CDC73: variants seen among roughly 807,000 people sequenced by gnomAD.
CDC73 encodes cell division cycle 73, also known as parafibromin.
A neutral mutation model predicts 83.7 loss-of-function variants in CDC73; 21 were observed. That is an observed-to-expected ratio of 0.25 (90% CI 0.18 to 0.36). The LOEUF is 0.36. CDC73 is among the 10% of genes least tolerant of loss of function. The pLI, the probability that CDC73 is intolerant of heterozygous loss-of-function variation, is 1.00. For missense variants in CDC73, 342 were observed against 653.3 expected, an observed-to-expected ratio of 0.52 and a Z score of 5.19; for synonymous variants, 224 against 212.9, an observed-to-expected ratio of 1.05 and a Z score of -0.45.
chr1:193,215,152 G>C (rs770922200), intron 13 of CDC73, among the ~76,000 whole-genome samples: 1 of 152,120 alleles, frequency 6.6e-6, no homozygotes, highest in African/African-American at 2.4e-5. Context: ...TCTGAAGATA[G>C]GTTCAGAAAC....
chr1:193,133,727 C>G (rs1041079539), intron 3 of CDC73, among the ~76,000 whole-genome samples: 2 of 152,092 alleles, frequency 1.3e-5, no homozygotes, highest in Non-Finnish European at 1.5e-5. Flanking sequence ...AATATTTCAA[C>G]TCATCACAGA....
intron 3 of CDC73, among the ~76,000 whole-genome samples, chr1:193,131,004 C>T (rs1675684314): frequency 6.6e-6 from 1 of 151,916 alleles, no homozygotes; most frequent in South Asian, 2.1e-4. Flanking sequence ...TTTCTTTTAA[C>T]CTGTATTCTC....
At chr1:193,200,208 C>T (rs1165996014) in intron 10 of CDC73, among the ~76,000 whole-genome samples, 2 of 152,158 alleles carry the variant, frequency 1.3e-5, no homozygotes, top group African/African-American at 4.8e-5. Flanking sequence ...TGGGTGAGAT[C>T]CTGTTTTTTT....
At chr1:193,202,824 A>T (rs1018671449) in intron 10 of CDC73, among the ~76,000 whole-genome samples, 1 of 151,968 alleles carries the variant, frequency 6.6e-6, no homozygotes. Context: ...TATTTCAAAC[A>T]GTTTTACCAC....
At chr1:193,223,555 A>G (rs1296369561) in intron 13 of CDC73, among the ~76,000 whole-genome samples, 2 of 152,090 alleles carry the variant, frequency 1.3e-5, no homozygotes, top group African/African-American at 4.8e-5. Flanking sequence ...AAGAGGGTGA[A>G]CAGTGAGTTT....
intron 10 of CDC73, among the ~76,000 whole-genome samples, chr1:193,168,381 C>G (rs2103147710): frequency 6.6e-6 from 1 of 152,194 alleles, no homozygotes; most frequent in Middle Eastern, 3.4e-3. Context: ...GGAGGACAAA[C>G]AAAATTTAGT....
rs1319754561 is a variant in CDC73, at chr1:193,251,918, G to C, written c.*1206G>C. ...TGTTTTTGCCATTGGAATTTTTGCT[G>C]ATCACAGTCTTATGTCATTTTTTTC... is the stretch of plus-strand genomic sequence containing the variant. On this transcript the variant is annotated 3_prime_UTR_variant, in exon 17 of 17. Transcript: ENST00000367435. 4.3e-6 allele frequency: 1 copy of C among 229,986 alleles called. No homozygotes were observed. The highest frequency in any genetic ancestry group is 8.6e-6 in the Non-Finnish European group (1 of 116,528). 14.2% of individuals were successfully genotyped at this position (229,986 alleles called of 1,614,324 possible).
intron 8 of CDC73, among the ~76,000 whole-genome samples, chr1:193,149,512 G>A (rs1311435818): frequency 6.6e-6 from 1 of 152,054 alleles, no homozygotes; most frequent in African/African-American, 2.4e-5. Context: ...TACCATTTGT[G>A]ACTGATTATT....
At chr1:193,135,341 A>G (rs767218233) in intron 3 of CDC73, 50 bp from the exon 4 acceptor site, 9 of 1,358,740 alleles carry the variant, frequency 6.6e-6, no homozygotes, top group Non-Finnish European at 9.5e-6. Flanking sequence ...ATAATATCCA[A>G]TATATATGTT....
At chr1:193,214,095 C>T (rs1677321054) in intron 13 of CDC73, among the ~76,000 whole-genome samples, 1 of 152,178 alleles carries the variant, frequency 6.6e-6, no homozygotes, top group South Asian at 2.1e-4. Context: ...GTTCCAGTTC[C>T]TCTGTGTCCT....
intron 10 of CDC73, among the ~76,000 whole-genome samples, chr1:193,152,970 A>G (rs2103134063): frequency 6.6e-6 from 1 of 152,002 alleles, no homozygotes; most frequent in South Asian, 2.1e-4. Flanking sequence ...TTTAGTAGAG[A>G]CGGGGTTTCG....
intron 10 of CDC73, among the ~76,000 whole-genome samples, chr1:193,168,492 T>G (rs566382522): frequency 6.6e-6 from 1 of 152,114 alleles, no homozygotes; most frequent in South Asian, 2.1e-4. Flanking sequence ...AACCTGAGAG[T>G]ACCACATAAG....
intron 7 of CDC73, 50 bp downstream of exon 7, chr1:193,142,116 A>AGT: frequency 7.3e-7 from 1 of 1,361,344 alleles, no homozygotes; most frequent in Non-Finnish European, 1.0e-6. Context: ...AGAGAGAGAG[A>AGT]GTGCGTTTAA....
At chr1:193,239,646 T>G (rs1168892265) in intron 15 of CDC73, among the ~76,000 whole-genome samples, 1 of 152,220 alleles carries the variant, frequency 6.6e-6, no homozygotes, top group Non-Finnish European at 1.5e-5. Context: ...ATATTTATGG[T>G]GTACATGTGA....
chr1:193,177,975 T>C (rs1676640595), intron 10 of CDC73, among the ~76,000 whole-genome samples: 1 of 152,202 alleles, frequency 6.6e-6, no homozygotes, highest in South Asian at 2.1e-4. Flanking sequence ...AGATTAGTTA[T>C]TTGTGTACCC....
chr1:193,188,419 A>G (rs960529604), intron 10 of CDC73, among the ~76,000 whole-genome samples: 2 of 150,586 alleles, frequency 1.3e-5, no homozygotes, highest in African/African-American at 4.9e-5. Context: ...TTTTTATTAC[A>G]TGGCACTGCT....
At chr1:193,234,289 A>ATATATATATATATATATAAT (rs1677719485) in intron 14 of CDC73, among the ~76,000 whole-genome samples, 1 of 116,126 alleles carries the variant, frequency 8.6e-6, no homozygotes, top group African/African-American at 3.5e-5. Flanking sequence ...TAATATACAT[A>ATATATATATATATATATAAT]TTATATATAT....
chr1:193,140,064 G>A (rs958470060), intron 6 of CDC73, among the ~76,000 whole-genome samples: 20 of 152,166 alleles, frequency 1.3e-4, no homozygotes, highest in Middle Eastern at 3.2e-3. Context: ...TGGTCTTGCT[G>A]TAGTCTCAGC....
chr1:193,177,645 C>T (rs1298170093), intron 10 of CDC73, among the ~76,000 whole-genome samples: 2 of 151,792 alleles, frequency 1.3e-5, no homozygotes, highest in Non-Finnish European at 2.9e-5. Flanking sequence ...AGTGTTGTTC[C>T]TGAGGGTTGT....
Sources: allele counts gnomAD v4.1 joint callset (sites outside exome capture counted in the v4.1 genomes callset), GRCh38; gene constraint gnomAD v4.1.1; transcripts MANE v1.5; gene names NCBI Gene and HGNC (gene_info 2026-07-23, HGNC 2026-07-21).